GAB2: variants seen among roughly 807,000 people sequenced by gnomAD.
GAB2 encodes GRB2-associated-binding protein 2.
A neutral mutation model predicts 65.5 loss-of-function variants in GAB2; 26 were observed. The observed-to-expected ratio is 0.40, with a 90% CI of 0.29 to 0.55. The LOEUF is 0.55. Among genes scored for constraint, GAB2 ranks in the 20% least tolerant of loss-of-function variants. The pLI, the probability that GAB2 is intolerant of heterozygous loss-of-function variation, is 0.53. For synonymous variants in GAB2, 321 were observed against 329.6 expected (o/e 0.97, Z 0.28); for missense variants, 884 against 875.8 (o/e 1.01, Z -0.12).
intron 3 of GAB2, among the ~76,000 whole-genome samples, chr11:78,232,727 A>G (rs1156420180): frequency 1.3e-5 from 2 of 152,208 alleles, no homozygotes; most frequent in East Asian, 1.9e-4. Flanking sequence ...TATCTTTACA[A>G]TCAGGTTCCC....
chr11:78,276,904 G>C (rs1376933876), intron 2 of GAB2, among the ~76,000 whole-genome samples: 2 of 152,050 alleles, frequency 1.3e-5, no homozygotes, highest in African/African-American at 4.8e-5. Flanking sequence ...TACAAGCTCC[G>C]CCTCCCAGGT....
intron 3 of GAB2, among the ~76,000 whole-genome samples, chr11:78,231,320 G>A (rs984736738): frequency 4.9e-5 from 7 of 142,018 alleles, no homozygotes; most frequent in Admixed American, 6.8e-5. Flanking sequence ...CCCTTGGTGC[G>A]CGCGCGCGCG....
At chr11:78,272,485 T>G (rs549403534) in intron 2 of GAB2, among the ~76,000 whole-genome samples, 6 of 152,158 alleles carry the variant, frequency 3.9e-5, no homozygotes, top group African/African-American at 1.4e-4. Flanking sequence ...CCCTAGAGAT[T>G]TGTGGAACTT....
chr11:78,283,605 C>CA (rs1866390054), intron 1 of GAB2, among the ~76,000 whole-genome samples: 1 of 152,176 alleles, frequency 6.6e-6, no homozygotes, highest in African/African-American at 2.4e-5. Flanking sequence ...CCCACCACCC[C>CA]AACTGCACCA....
intron 4 of GAB2, among the ~76,000 whole-genome samples, chr11:78,226,051 G>A (rs575831923): frequency 6.6e-6 from 1 of 152,282 alleles, no homozygotes; most frequent in South Asian, 2.1e-4. Flanking sequence ...TTAAGACCTC[G>A]TTTTGCTTTA....
chr11:78,232,158 T>A (rs1033727431), intron 3 of GAB2, among the ~76,000 whole-genome samples: 3 of 152,204 alleles, frequency 2.0e-5, no homozygotes, highest in Non-Finnish European at 4.4e-5. Flanking sequence ...GGTGAATGAG[T>A]CAGGGAAGAC....
intron 1 of GAB2, among the ~76,000 whole-genome samples, chr11:78,283,860 G>A (rs1213223002): frequency 6.6e-6 from 1 of 151,124 alleles, no homozygotes; most frequent in Non-Finnish European, 1.5e-5. Flanking sequence ...ACATTAGAAT[G>A]CCCCAATGCT....
chr11:78,302,876 A>C (rs1867069882), intron 1 of GAB2, among the ~76,000 whole-genome samples: 1 of 152,242 alleles, frequency 6.6e-6, no homozygotes, highest in South Asian at 2.1e-4. Context: ...AAAAGGAATG[A>C]ATTAATGGCA....
At chr11:78,314,144 T>A (rs1035294493) in intron 1 of GAB2, among the ~76,000 whole-genome samples, 5 of 152,196 alleles carry the variant, frequency 3.3e-5, no homozygotes, top group South Asian at 4.1e-4. Flanking sequence ...AGGCATCACA[T>A]GAGGTGCTTG....
chr11:78,357,744 G>T (rs552858432), intron 1 of GAB2, among the ~76,000 whole-genome samples: 1 of 152,144 alleles, frequency 6.6e-6, no homozygotes, highest in Non-Finnish European at 1.5e-5. Context: ...ACCACAATGA[G>T]ATACCATCTC....
intron 3 of GAB2, among the ~76,000 whole-genome samples, chr11:78,231,083 T>C (rs1404039161): frequency 6.6e-6 from 1 of 152,220 alleles, no homozygotes; most frequent in African/African-American, 2.4e-5. Flanking sequence ...CTAATAGTTC[T>C]GAGACACACC....
intron 1 of GAB2, among the ~76,000 whole-genome samples, chr11:78,285,120 T>C (rs9651769): frequency 0.2 from 30,695 of 152,162 alleles, 3,345 homozygotes; most frequent in East Asian, 0.4. Flanking sequence ...GGTTCACACA[T>C]AGACACATAG....
intron 1 of GAB2, among the ~76,000 whole-genome samples, chr11:78,410,623 G>C (rs1031433454): frequency 6.6e-6 from 1 of 152,330 alleles, no homozygotes; most frequent in Admixed American, 6.5e-5. Flanking sequence ...ACAGGATACT[G>C]TAACTCCACT....
At chr11:78,409,977 A>G (rs1857105776) in intron 1 of GAB2, among the ~76,000 whole-genome samples, 1 of 150,928 alleles carries the variant, frequency 6.6e-6, no homozygotes, top group Non-Finnish European at 1.5e-5. Context: ...AAATAATGGG[A>G]AAATCTCCAA....
chr11:78,321,330 G>C (rs1447343036), intron 1 of GAB2, among the ~76,000 whole-genome samples: 1 of 152,142 alleles, frequency 6.6e-6, no homozygotes, highest in Non-Finnish European at 1.5e-5. Context: ...TGATGGAAAT[G>C]ACCCGTATGT....
intron 1 of GAB2, among the ~76,000 whole-genome samples, chr11:78,370,678 T>C (rs531916718): frequency 4.6e-4 from 70 of 151,972 alleles, no homozygotes; most frequent in African/African-American, 1.4e-3. Flanking sequence ...ACAGGATGGG[T>C]TGTATGGAAC....
intron 1 of GAB2, among the ~76,000 whole-genome samples, chr11:78,331,123 C>T (rs952650871): frequency 1.3e-5 from 2 of 151,700 alleles, no homozygotes; most frequent in African/African-American, 4.8e-5. Context: ...TGCAGTCAGC[C>T]GAAATCGCGC....
intron 1 of GAB2, among the ~76,000 whole-genome samples, chr11:78,312,419 T>A (rs2134646488): frequency 6.6e-6 from 1 of 152,318 alleles, no homozygotes; most frequent in Middle Eastern, 3.4e-3. Flanking sequence ...ACTATTATTA[T>A]CCCATTTTAT....
At chr11:78,293,404 T>C (rs1423625790) in intron 1 of GAB2, among the ~76,000 whole-genome samples, 3 of 152,180 alleles carry the variant, frequency 2.0e-5, no homozygotes, top group African/African-American at 7.2e-5. Context: ...ATGAAAGTTA[T>C]ACCAAAGGAA....
Sources: allele counts gnomAD v4.1 joint callset (sites outside exome capture counted in the v4.1 genomes callset), GRCh38; gene constraint gnomAD v4.1.1; transcripts MANE v1.5; gene names NCBI Gene and HGNC (gene_info 2026-07-23, HGNC 2026-07-21).